The following PTPRD variants were observed in gnomAD, a reference collection of about 807,000 sequenced individuals.
PTPRD encodes the protein protein tyrosine phosphatase receptor type D.
In PTPRD, 34 loss-of-function variants were observed where a neutral mutation model predicts 214.5. The observed-to-expected ratio is 0.16, with a 90% CI of 0.12 to 0.21. The LOEUF (loss-of-function observed/expected upper bound fraction) is 0.21. Ranked by LOEUF, PTPRD falls within the 10% of genes least tolerant of loss-of-function variation. PTPRD has a pLI of 1.00. For missense variants in PTPRD, 2,545 were observed against 2,398.7 expected, an observed-to-expected ratio of 1.06 and a Z score of -1.27; for synonymous variants, 1,128 against 845.7, an observed-to-expected ratio of 1.33 and a Z score of -5.79.
intron 20 of PTPRD, 111 bp downstream of exon 20, chr9:8,521,166 A>T: frequency 1.1e-5 from 14 of 1,283,826 alleles, no homozygotes; most frequent in Non-Finnish European, 1.4e-5. Context: ...ACACACATTT[A>T]AAATGCTGAA....
chr9:10,563,970 A>T (rs2064813168), intron 2 of PTPRD, among the ~76,000 whole-genome samples: 2 of 151,668 alleles, frequency 1.3e-5, no homozygotes, highest in Admixed American at 1.3e-4. Context: ...TTGAAACATC[A>T]TCTGTGCCAG....
chr9:10,069,221 G>A (rs893850269), intron 3 of PTPRD, among the ~76,000 whole-genome samples: 2 of 151,964 alleles, frequency 1.3e-5, no homozygotes, highest in Non-Finnish European at 2.9e-5. Context: ...ACACAGGCTG[G>A]AGATGGTAAC....
chr9:8,509,195 G>A (rs1046994851), intron 21 of PTPRD, among the ~76,000 whole-genome samples: 1 of 152,060 alleles, frequency 6.6e-6, no homozygotes, highest in Non-Finnish European at 1.5e-5. Context: ...GAGGCAGAGG[G>A]ACAGAGGGGA....
At chr9:8,989,170 G>C (rs1413433557) in intron 11 of PTPRD, among the ~76,000 whole-genome samples, 2 of 151,840 alleles carry the variant, frequency 1.3e-5, no homozygotes, top group African/African-American at 4.8e-5. Context: ...ATCAAATCAG[G>C]GTAGGGATAT....
At chr9:9,371,896 G>T (rs533536056) in intron 9 of PTPRD, among the ~76,000 whole-genome samples, 112 of 152,274 alleles carry the variant, frequency 7.4e-4, no homozygotes, top group Non-Finnish European at 1.2e-3. Flanking sequence ...GGAGCAGGTT[G>T]TTCAGTTTCC....
At chr9:10,496,728 AT>A (rs1271028618) in intron 2 of PTPRD, among the ~76,000 whole-genome samples, 1 of 151,942 alleles carries the variant, frequency 6.6e-6, no homozygotes, top group Non-Finnish European at 1.5e-5. Context: ...ATTTTTGCAT[AT>A]GCTTATTGGC....
intron 2 of PTPRD, among the ~76,000 whole-genome samples, chr9:10,506,971 A>C (rs981049034): frequency 6.6e-6 from 1 of 152,036 alleles, no homozygotes; most frequent in African/African-American, 2.4e-5. Context: ...AACTTCCAAC[A>C]CTATGTTGAA....
intron 11 of PTPRD, among the ~76,000 whole-genome samples, chr9:8,786,765 G>T (rs1396531916): frequency 6.6e-6 from 1 of 151,802 alleles, no homozygotes; most frequent in Non-Finnish European, 1.5e-5. Context: ...AAGGTGGGGG[G>T]GCGGGGGGCG....
At chr9:10,425,880 TTTA>T (rs1291897048) in intron 2 of PTPRD, among the ~76,000 whole-genome samples, 1 of 151,950 alleles carries the variant, frequency 6.6e-6, no homozygotes, top group Non-Finnish European at 1.5e-5. Flanking sequence ...ATATACAATT[TTTA>T]TTTACTTTTC....
intron 10 of PTPRD, among the ~76,000 whole-genome samples, chr9:9,029,853 G>A (rs2099598889): frequency 6.6e-6 from 1 of 151,908 alleles, no homozygotes; most frequent in Non-Finnish European, 1.5e-5. Flanking sequence ...TGGAGATCAG[G>A]GGAATGGTTA....
At chr9:9,588,053 A>T (rs753563085) in intron 7 of PTPRD, among the ~76,000 whole-genome samples, 2 of 151,986 alleles carry the variant, frequency 1.3e-5, no homozygotes, top group Non-Finnish European at 2.9e-5. Context: ...GATATCTCAA[A>T]TATCCTGACT....
intron 5 of PTPRD, among the ~76,000 whole-genome samples, chr9:9,792,415 T>TC (rs2098974450): frequency 6.6e-6 from 1 of 152,184 alleles, no homozygotes; most frequent in South Asian, 2.1e-4. Flanking sequence ...TTTTAAGTGA[T>TC]CATTAAGACT....
intron 2 of PTPRD, among the ~76,000 whole-genome samples, chr9:10,456,459 TTAACTC>T (rs1447955460): frequency 6.6e-6 from 1 of 151,930 alleles, no homozygotes; most frequent in Non-Finnish European, 1.5e-5. Flanking sequence ...AGTGAGAACT[TTAACTC>T]TAGAGACACA....
intron 8 of PTPRD, among the ~76,000 whole-genome samples, chr9:9,533,473 T>G (rs1259956004): frequency 6.6e-6 from 1 of 152,136 alleles, no homozygotes; most frequent in Non-Finnish European, 1.5e-5. Context: ...GCTCTGGGTT[T>G]TATTTTTGTT....
chr9:9,787,641 A>C (rs2154493762), intron 5 of PTPRD, among the ~76,000 whole-genome samples: 1 of 152,192 alleles, frequency 6.6e-6, no homozygotes, highest in Admixed American at 6.5e-5. Flanking sequence ...ACACCCAATA[A>C]GGTGGATAAA....
chr9:8,832,196 G>A (rs749114802), intron 11 of PTPRD, among the ~76,000 whole-genome samples: 1 of 151,642 alleles, frequency 6.6e-6, no homozygotes, highest in Non-Finnish European at 1.5e-5. Flanking sequence ...TAAGAATCCT[G>A]CAATAAAAAC....
At chr9:10,163,837 C>A (rs1194236683) in intron 3 of PTPRD, among the ~76,000 whole-genome samples, 1 of 151,430 alleles carries the variant, frequency 6.6e-6, no homozygotes, top group Non-Finnish European at 1.5e-5. Flanking sequence ...AACAATAAGA[C>A]AAAAATCTAT....
chr9:8,902,272 A>G (rs564863046), intron 11 of PTPRD, among the ~76,000 whole-genome samples: 25 of 152,228 alleles, frequency 1.6e-4, no homozygotes, highest in African/African-American at 6.0e-4. Context: ...GATGATTAGC[A>G]ATGCACACCT....
intron 8 of PTPRD, among the ~76,000 whole-genome samples, chr9:9,544,712 T>C (rs1474949801): frequency 6.6e-6 from 1 of 151,744 alleles, no homozygotes; most frequent in Non-Finnish European, 1.5e-5. Context: ...CCTTGGATCA[T>C]AAAAAGATAG....
Sources: allele counts gnomAD v4.1 joint callset (sites outside exome capture counted in the v4.1 genomes callset), GRCh38; gene constraint gnomAD v4.1.1; transcripts MANE v1.5; gene names NCBI Gene and HGNC (gene_info 2026-07-23, HGNC 2026-07-21).